Variants in PSMA5 observed in about 807,000 individuals in gnomAD.
PSMA5 encodes the protein proteasome subunit alpha type-5.
In PSMA5, 3 loss-of-function variants were observed where a neutral mutation model predicts 34.5. The ratio of observed to expected loss-of-function variants is 0.09; its 90% CI spans 0.04 to 0.22. The LOEUF is 0.22. Among genes scored for constraint, PSMA5 ranks in the 10% least tolerant of loss-of-function variants. The pLI is 1.00. For synonymous variants in PSMA5, 88 were observed against 95.8 expected, an observed-to-expected ratio of 0.92 and a Z score of 0.47; for missense variants, 120 against 286.1, an observed-to-expected ratio of 0.42 and a Z score of 4.19.
At chr1:109,422,318 AT>A (rs1477207027) in intron 1 of PSMA5, among the ~76,000 whole-genome samples, 8 of 152,176 alleles carry the variant, frequency 5.3e-5, no homozygotes, top group Non-Finnish European at 1.5e-5. Flanking sequence ...CATAACATGC[AT>A]ATGACGTTAA....
intron 2 of PSMA5, among the ~76,000 whole-genome samples, chr1:109,419,830 C>A (rs971172404): frequency 6.7e-6 from 1 of 148,422 alleles, no homozygotes; most frequent in Non-Finnish European, 1.5e-5. Flanking sequence ...AAAAACAAGC[C>A]GCGCATGGTT....
intron 8 of PSMA5, among the ~76,000 whole-genome samples, chr1:109,404,943 C>CCTG (rs1653685157): frequency 6.6e-6 from 1 of 152,174 alleles, no homozygotes; most frequent in Non-Finnish European, 1.5e-5. Context: ...CAGGGAGAAG[C>CCTG]AACTTTTGAG....
intron 7 of PSMA5, 52 bp from the exon 8 acceptor site, chr1:109,410,066 T>A (rs1015036428): frequency 8.3e-7 from 1 of 1,204,608 alleles, no homozygotes. Context: ...CAATCCGTCC[T>A]TCCTTCAAAG....
intron 8 of PSMA5, among the ~76,000 whole-genome samples, chr1:109,408,951 A>G (rs1653891918): frequency 6.6e-6 from 1 of 152,040 alleles, no homozygotes; most frequent in Non-Finnish European, 1.5e-5. Flanking sequence ...TCAGCCTCCC[A>G]AAGTGCTGGG....
At chr1:109,425,581 TA>T (rs1322438889) in intron 1 of PSMA5, 1 of 152,202 alleles carries the variant, frequency 6.6e-6, no homozygotes, top group Non-Finnish European at 1.5e-5. Flanking sequence ...TCCCTGACTT[TA>T]AAAAAGAGTA....
intron 1 of PSMA5, among the ~76,000 whole-genome samples, chr1:109,423,717 C>A (rs11579855): frequency 6.6e-6 from 1 of 152,140 alleles, no homozygotes; most frequent in South Asian, 2.1e-4. Flanking sequence ...CAACTATATG[C>A]TAAGTCATAC....
rs994388785 is a variant in PSMA5, at chr1:109,406,847, T to A, written c.648+3081A>T. ...GGGTTGTACATTTGTCAACATCCGC[T>A]GAATTGTAAACTTAAAATAGGTACA... is the stretch of plus-strand genomic sequence containing the variant. On this transcript the variant is annotated intron_variant, in intron 8 of 8. Coordinates refer to ENST00000271308, the MANE Select transcript of PSMA5 (RefSeq NM_002790.4). 1.2e-4 allele frequency among the ~76,000 whole-genome samples: 18 copies of A among 152,176 alleles called. No individual in the cohort carries two copies. In the East Asian group the frequency reaches 3.5e-3, roughly 29 times the overall value.
rs917205060 is a variant in PSMA5 at position 109,426,322 on chromosome 1, A to G, written c.9T>C (p.Leu3=). The G allele has an allele frequency of 1.9e-6, 3 of 1,613,942 alleles. No homozygotes were observed. The highest frequency in any genetic ancestry group is 2.7e-5 in the African/African-American group (2 of 74,918). The change falls in exon 1 of 9, where the codon CTT becomes CTC. Residue 3 remains leucine, a synonymous_variant. Coordinates refer to ENST00000271308, the MANE Select transcript of PSMA5 (RefSeq NM_002790.4). The part of the protein sequence containing the change: MF[L]TRSEYDRGVN... ...CGGACCTGTCGTACTCAGACCGGGTAAGAAACATGGCGAGGGTAGGAGGAG... is the reference window on the plus strand; with the variant it reads ...CGGACCTGTCGTACTCAGACCGGGTGAGAAACATGGCGAGGGTAGGAGGAG...
intron 2 of PSMA5, among the ~76,000 whole-genome samples, chr1:109,417,953 G>A (rs1049881861): frequency 6.6e-6 from 1 of 152,168 alleles, no homozygotes; most frequent in South Asian, 2.1e-4. Context: ...GCCAGGAGTG[G>A]TGGCTCATGC....
Position 109,411,124 on chromosome 1 carries a change from C to G in PSMA5, c.459-11G>C, listed in dbSNP as rs1305874174. On this transcript the variant is annotated splice_polypyrimidine_tract_variant and intron_variant, in intron 6 of 8. Transcript: ENST00000271308. ...GGGTCCATATGAAACCTGCAAAACCCCCAAAATGAGGACTAAAATGCTCAG... is the reference window on the plus strand; with the variant it reads ...GGGTCCATATGAAACCTGCAAAACCGCCAAAATGAGGACTAAAATGCTCAG... 5.6e-6 allele frequency: 9 copies of G among 1,602,034 alleles called. No homozygotes were observed. In the South Asian group the frequency reaches 1.0e-4, roughly 18 times the overall value.
At chr1:109,417,301 G>C (rs1054681070) in intron 2 of PSMA5, among the ~76,000 whole-genome samples, 1 of 152,180 alleles carries the variant, frequency 6.6e-6, no homozygotes. Flanking sequence ...AGATAGGTTA[G>C]TGATACCTGG....
At chr1:109,418,867 AT>A (rs1654321737) in intron 2 of PSMA5, among the ~76,000 whole-genome samples, 1 of 152,220 alleles carries the variant, frequency 6.6e-6, no homozygotes, top group Non-Finnish European at 1.5e-5. Context: ...ATTAAAAATT[AT>A]TTCTGGCCAA....
intron 2 of PSMA5, among the ~76,000 whole-genome samples, chr1:109,420,136 G>T (rs1237164985): frequency 6.6e-6 from 1 of 152,128 alleles, no homozygotes; most frequent in Non-Finnish European, 1.5e-5. Flanking sequence ...AAACAATGTT[G>T]TGCAGAAACA....
rs951021709 is a variant in PSMA5 at position 109,401,158 on chromosome 1, C to A, written c.*855G>T. 1 of 152,150 alleles carries A rather than the reference C, an allele frequency of 6.6e-6. No homozygotes were observed. The highest frequency in any genetic ancestry group is 1.5e-5 in the Non-Finnish European group (1 of 68,020). 9.4% of individuals were successfully genotyped at this position (152,150 alleles called of 1,614,324 possible). ...AATGGGGAAAGTTCATCATTCATTC[C>A]AAAGTCTAATGTAAACTGCTTCTGA... On this transcript the variant is annotated 3_prime_UTR_variant, in exon 9 of 9. Transcript: ENST00000271308.
At chr1:109,421,614 G>A (rs1033163234) in intron 2 of PSMA5, among the ~76,000 whole-genome samples, 2 of 152,094 alleles carry the variant, frequency 1.3e-5, no homozygotes, top group Non-Finnish European at 2.9e-5. Flanking sequence ...GCACAAATAT[G>A]TCCCTCCACC....
intron 7 of PSMA5, 91 bp downstream of exon 7, chr1:109,410,920 C>A: frequency 1.0e-6 from 1 of 965,528 alleles, no homozygotes; most frequent in Non-Finnish European, 1.6e-6. Flanking sequence ...ATTGTCAAAA[C>A]AGAACTGAAC....
chr1:109,410,076 G>C, intron 7 of PSMA5, 62 bp from the exon 8 acceptor site: 1 of 1,123,344 alleles, frequency 8.9e-7, no homozygotes, highest in Non-Finnish European at 1.3e-6. Context: ...TTCCTTCAAA[G>C]ATTTTCCCTT....
chr1:109,406,017 G>C (rs1032853361), intron 8 of PSMA5, among the ~76,000 whole-genome samples: 2 of 152,176 alleles, frequency 1.3e-5, no homozygotes, highest in East Asian at 3.8e-4. Context: ...CAGGTTTCTC[G>C]TGTGAATGAC....
intron 3 of PSMA5, among the ~76,000 whole-genome samples, chr1:109,414,564 C>T (rs1312369396): frequency 2.0e-5 from 3 of 152,160 alleles, no homozygotes; most frequent in Admixed American, 1.3e-4. Flanking sequence ...CACTGAGCTA[C>T]CTTCAAAAGA....
Sources: allele counts gnomAD v4.1 joint callset (sites outside exome capture counted in the v4.1 genomes callset), GRCh38; gene constraint gnomAD v4.1.1; transcripts MANE v1.5; gene names NCBI Gene and HGNC (gene_info 2026-07-23, HGNC 2026-07-21).